Variants in EPHA4 observed in about 807,000 individuals in gnomAD.
The protein encoded by EPHA4 is EPH receptor A4, also known as ephrin type-A receptor 4.
EPHA4 carries 19 observed loss-of-function variants against 108.3 expected under a neutral mutation model. The observed-to-expected ratio is 0.18, with a 90% CI of 0.12 to 0.26. EPHA4 has a LOEUF of 0.26. Among genes scored for constraint, EPHA4 ranks in the 10% least tolerant of loss-of-function variants. The pLI, the probability that EPHA4 is intolerant of heterozygous loss-of-function variation, is 1.00. For synonymous variants in EPHA4, 449 were observed against 455.5 expected, an observed-to-expected ratio of 0.99 and a Z score of 0.18; for missense variants, 917 against 1,254.0, an observed-to-expected ratio of 0.73 and a Z score of 4.06.
intron 3 of EPHA4, among the ~76,000 whole-genome samples, chr2:221,519,532 C>T (rs1287194582): frequency 1.3e-5 from 2 of 152,190 alleles, no homozygotes; most frequent in African/African-American, 4.8e-5. Context: ...GCTCTTCAGA[C>T]GAATCCAACA....
At chr2:221,539,017 G>T (rs1418965758) in intron 3 of EPHA4, among the ~76,000 whole-genome samples, 2 of 152,090 alleles carry the variant, frequency 1.3e-5, no homozygotes, top group African/African-American at 4.8e-5. Context: ...TGTACAGGTT[G>T]TTCACTGAAA....
intron 9 of EPHA4, among the ~76,000 whole-genome samples, chr2:221,444,572 T>TA (rs540090902): frequency 4.1e-4 from 62 of 152,060 alleles, no homozygotes; most frequent in African/African-American, 1.4e-3. Flanking sequence ...ATCAGCTTTT[T>TA]AAAAAAACAT....
At chr2:221,572,354 C>A, upstream of EPHA4, 1 of 1,022,974 alleles carries the variant, frequency 9.8e-7, no homozygotes, top group South Asian at 1.5e-5. Flanking sequence ...GCGGGCCCGG[C>A]CGGTGACGTG....
chr2:221,428,411 A>G (rs1689973952), intron 15 of EPHA4, among the ~76,000 whole-genome samples: 1 of 152,208 alleles, frequency 6.6e-6, no homozygotes, highest in Admixed American at 6.5e-5. Context: ...CTATTTAAGT[A>G]CCATCAGCAA....
intron 8 of EPHA4, among the ~76,000 whole-genome samples, chr2:221,453,355 C>CA (rs1690842157): frequency 6.6e-6 from 1 of 152,018 alleles, no homozygotes; most frequent in African/African-American, 2.4e-5. Context: ...ATTATAAAAT[C>CA]AAAAAAGCAC....
intron 3 of EPHA4, among the ~76,000 whole-genome samples, chr2:221,505,121 A>G (rs1372603212): frequency 6.6e-6 from 1 of 151,956 alleles, no homozygotes; most frequent in East Asian, 1.9e-4. Context: ...ATAACTGCTC[A>G]CCCCATGTGG....
intron 14 of EPHA4, among the ~76,000 whole-genome samples, chr2:221,433,777 C>A (rs780637580): frequency 2.0e-5 from 3 of 152,094 alleles, no homozygotes; most frequent in African/African-American, 7.2e-5. Context: ...CTTTCATGTC[C>A]GTTTTATCAT....
intron 13 of EPHA4, 39 bp downstream of exon 13, chr2:221,436,360 C>T: frequency 1.3e-6 from 2 of 1,593,590 alleles, no homozygotes; most frequent in East Asian, 4.5e-5. Context: ...GGAACAGTTT[C>T]ACCAGAGTGA....
intron 4 of EPHA4, among the ~76,000 whole-genome samples, chr2:221,495,086 G>A (rs1043383713): frequency 4.6e-5 from 7 of 151,202 alleles, no homozygotes; most frequent in African/African-American, 1.7e-4. Context: ...CTACTCTCTG[G>A]CAATAACTTG....
intron 4 of EPHA4, among the ~76,000 whole-genome samples, chr2:221,494,216 G>A (rs1692239317): frequency 6.6e-6 from 1 of 152,130 alleles, no homozygotes. Flanking sequence ...AATGACAGAT[G>A]AGCTACATTT....
intron 5 of EPHA4, among the ~76,000 whole-genome samples, chr2:221,481,509 C>T (rs1271518562): frequency 1.3e-5 from 2 of 152,012 alleles, no homozygotes; most frequent in African/African-American, 2.4e-5. Flanking sequence ...TAAAAATTAG[C>T]CAGGTATGGT....
upstream of EPHA4, chr2:221,572,421 C>CTGCTCGGTGAAGGCGGG: frequency 1.9e-6 from 1 of 531,726 alleles, no homozygotes; most frequent in Non-Finnish European, 3.3e-6. Context: ...GGCCGAGCCC[C>CTGCTCGGTGAAGGCGGG]GCCTTCACCG....
intron 3 of EPHA4, among the ~76,000 whole-genome samples, chr2:221,510,220 A>G (rs905454215): frequency 1.3e-5 from 2 of 152,230 alleles, no homozygotes; most frequent in Non-Finnish European, 2.9e-5. Flanking sequence ...TTCTTCTGTT[A>G]TTAACATGGG....
intron 3 of EPHA4, among the ~76,000 whole-genome samples, chr2:221,550,418 G>GGAGAGAGAGAGAGA (rs71406572): frequency 8.8e-5 from 12 of 135,656 alleles, no homozygotes; most frequent in Non-Finnish European, 1.3e-4. Context: ...TGAGGAAAGG[G>GGAGAGAGAGAGAGA]GAGAGAGAGA....
chr2:221,492,925 T>G (rs1692191756), intron 4 of EPHA4, among the ~76,000 whole-genome samples: 1 of 152,238 alleles, frequency 6.6e-6, no homozygotes, highest in Non-Finnish European at 1.5e-5. Flanking sequence ...GCAAATTTGA[T>G]AAATGACATG....
intron 6 of EPHA4, 55 bp downstream of exon 6, chr2:221,457,811 A>C: frequency 6.3e-7 from 1 of 1,587,570 alleles, no homozygotes; most frequent in Non-Finnish European, 8.6e-7. Context: ...GAAGAAAACA[A>C]AGAAGGAAGG....
rs113029375 is a variant in EPHA4 at position 221,502,390 on chromosome 2, C to T, written c.824-1218G>A. The T allele has an allele frequency of 9.5e-4, 366 of 384,778 alleles. 2 individuals are homozygous for T. The highest frequency in any genetic ancestry group is 6.6e-3 in the African/African-American group (320 of 48,274). 23.8% of individuals were successfully genotyped at this position (384,778 alleles called of 1,614,324 possible). A position where few individuals can be genotyped will look rare whatever the true frequency, so the allele number is the denominator to read the frequency against. ...CAATCTTTCCAGCATGATTCACTCT[C>T]GTTTCTTTTCATTCATCATGTCCTT... On this transcript the variant is annotated intron_variant, in intron 3 of 17. Transcript: ENST00000281821.
At chr2:221,509,770 A>ATG (rs1232097412) in intron 3 of EPHA4, among the ~76,000 whole-genome samples, 16 of 152,340 alleles carry the variant, frequency 1.1e-4, no homozygotes, top group African/African-American at 3.6e-4. Context: ...AACTACAAAC[A>ATG]AATCAAAGGT....
In EPHA4 at chr2:221,426,128, A is replaced by G. The variant is rs1174520420; in HGVS notation, c.2861T>C (p.Ile954Thr). Reference sequence around the variant, plus strand: ...CTGGTGCGTGATGGCTGTGATACCAATTCTTGCCAGGTCCCTGTACATAGG... The same window carrying G: ...CTGGTGCGTGATGGCTGTGATACCAGTTCTTGCCAGGTCCCTGTACATAGG... ...VHVNQEDLAR[I>T]GITAITHQNK... is the part of the protein sequence containing the mutation. Residue 954 changes from isoleucine to threonine, a missense_variant, in exon 17 of 18, where the codon ATT becomes ACT. Transcript: ENST00000281821. 6.2e-7 allele frequency: 1 copy of G among 1,614,116 alleles called. No homozygotes were observed. The highest frequency in any genetic ancestry group is 1.7e-5 in the Admixed American group (1 of 60,016).
Sources: gnomAD v4.1 joint callset for allele counts (sites outside exome capture counted in the v4.1 genomes callset) on GRCh38, gnomAD v4.1.1 for gene constraint, MANE v1.5 for transcripts, NCBI Gene and HGNC (gene_info 2026-07-23, HGNC 2026-07-21) for gene names.